PLB1: variants seen among roughly 807,000 people sequenced by gnomAD.
PLB1 encodes the protein phospholipase B1, membrane-associated.
In PLB1, 242 loss-of-function variants were observed where a neutral mutation model predicts 227.4. The observed-to-expected ratio is 1.06, with a 90% CI of 0.96 to 1.18. PLB1 has a LOEUF of 1.18. Ranked by LOEUF, PLB1 falls within the 50% of genes most tolerant of loss-of-function variation. The probability of loss-of-function intolerance (pLI) is 0.00; values close to 1 mark genes in which losing one functional copy is unlikely to be tolerated. For synonymous variants in PLB1, 757 were observed against 682.2 expected (o/e 1.11, Z -1.71); for missense variants, 1,858 against 1,816.3 (o/e 1.02, Z -0.42).
chr2:28,499,598 A>G (rs1666851260), intron 1 of PLB1, among the ~76,000 whole-genome samples: 1 of 151,892 alleles, frequency 6.6e-6, no homozygotes, highest in South Asian at 2.1e-4. Flanking sequence ...CAAAAGGAAA[A>G]TGTTAAGCTG....
Position 28,605,872 on chromosome 2 carries a change from CCTT to C in PLB1, c.2985_2987del (p.Phe996del). ...TTTCAGGATGGGCTCCCAGATACGT[CCTT>C]CTTTGCCCCAGACTGCATCCACCCA... On this transcript the variant is annotated inframe_deletion, in exon 42 of 58. Coordinates refer to ENST00000327757, the MANE Select transcript of PLB1 (RefSeq NM_153021.5). 6.2e-7 allele frequency: 1 copy of C among 1,613,708 alleles called. No homozygotes were observed. Among genetic ancestry groups the C allele is most frequent in the Non-Finnish European group, 8.5e-7 (1 of 1,179,660 alleles).
At chr2:28,551,578 T>G (rs957974632) in intron 16 of PLB1, among the ~76,000 whole-genome samples, 3 of 152,170 alleles carry the variant, frequency 2.0e-5, no homozygotes, top group Non-Finnish European at 4.4e-5. Context: ...CTAACCAGCA[T>G]AGCAATGAGC....
chr2:28,564,903 G>A (rs1676631981), intron 18 of PLB1, among the ~76,000 whole-genome samples: 2 of 152,158 alleles, frequency 1.3e-5, no homozygotes, highest in Non-Finnish European at 2.9e-5. Context: ...AAAGGATAAT[G>A]ATGTATTTCC....
In PLB1 at chr2:28,643,330, C is replaced by A. The variant is rs934035877; in HGVS notation, c.*269C>A. 2 of 314,000 alleles carry A rather than the reference C, an allele frequency of 6.4e-6. No homozygotes were observed. The highest frequency in any genetic ancestry group is 1.2e-5 in the Non-Finnish European group (2 of 172,028). The allele number at this position is 314,000 out of a possible 1,614,324, so 19.5% of individuals were successfully genotyped here. On this transcript the variant is annotated 3_prime_UTR_variant, in exon 58 of 58. Transcript: ENST00000327757. ...CTCTTGTGCAGCCCAGGTGTGGGAG[C>A]TGCCACTTTTTGTGGCCTGCCTCCA... is the stretch of plus-strand genomic sequence containing the variant.
intron 51 of PLB1, among the ~76,000 whole-genome samples, chr2:28,627,548 GGA>G (rs1337920186): frequency 1.3e-5 from 2 of 152,142 alleles, no homozygotes; most frequent in Non-Finnish European, 2.9e-5. Context: ...AGAAACTCTG[GGA>G]GACACGAGGT....
At chr2:28,617,055 C>T (rs1022749517) in intron 44 of PLB1, among the ~76,000 whole-genome samples, 7 of 152,154 alleles carry the variant, frequency 4.6e-5, no homozygotes, top group Admixed American at 2.6e-4. Flanking sequence ...CTTCCCATCC[C>T]ACTCCTTTCC....
chr2:28,541,817 TG>T lies in PLB1; in HGVS notation c.879+11del. ...CCACCCCATCTCTACACTCGGTAAGTGGGGGCTGCATGGCGTATCAAGAGTG... is the reference window on the plus strand; with the variant it reads ...CCACCCCATCTCTACACTCGGTAAGTGGGGCTGCATGGCGTATCAAGAGTG... On this transcript the variant is annotated splice_region_variant and intron_variant, in intron 13 of 57. Transcript: ENST00000327757. The T allele has an allele frequency of 1.2e-6, 2 of 1,604,328 alleles. No individual in the cohort carries two copies. The highest frequency in any genetic ancestry group is 1.7e-6 in the Non-Finnish European group (2 of 1,171,408).
chr2:28,576,784 A>T (rs1679031186), intron 21 of PLB1, among the ~76,000 whole-genome samples: 1 of 152,182 alleles, frequency 6.6e-6, no homozygotes, highest in Admixed American at 6.5e-5. Context: ...TGTTCCATCG[A>T]CAGAGCAGCT....
chr2:28,527,190 T>G (rs950952831), intron 6 of PLB1, among the ~76,000 whole-genome samples: 1 of 152,174 alleles, frequency 6.6e-6, no homozygotes, highest in African/African-American at 2.4e-5. Flanking sequence ...TTCGTCTCAA[T>G]TTTTCCTCCC....
rs141173438 is a variant in PLB1, at chr2:28,601,469, C to CAACACA, written c.2607+137_2607+138insAACACA. ...ACCTATGTCTGCACATATACACATA[C>CAACACA]CACACACACACACACACACACACAC... On this transcript the variant is annotated intron_variant, in intron 37 of 57. Coordinates refer to ENST00000327757, the MANE Select transcript of PLB1 (RefSeq NM_153021.5). The CAACACA allele has an allele frequency of 2.6e-4, 155 of 600,218 alleles. 2 individuals carry two copies. The highest frequency in any genetic ancestry group is 2.0e-3 in the African/African-American group (109 of 53,422). 37.2% of individuals were successfully genotyped at this position (600,218 alleles called of 1,614,324 possible).
chr2:28,541,862 G>A (rs769354866), intron 13 of PLB1, 51 bp downstream of exon 13: 62 of 1,438,898 alleles, frequency 4.3e-5, no homozygotes, highest in Non-Finnish European at 6.0e-5. Flanking sequence ...GCCGGGCATG[G>A]TGGCTCACTC....
At chr2:28,580,896 C>T (rs768003484) in intron 23 of PLB1, among the ~76,000 whole-genome samples, 3 of 152,076 alleles carry the variant, frequency 2.0e-5, no homozygotes, top group African/African-American at 7.2e-5. Flanking sequence ...CCTGTGAGCA[C>T]CTACCTGGAG....
At chr2:28,527,384 C>T (rs1670411295) in intron 6 of PLB1, among the ~76,000 whole-genome samples, 1 of 152,184 alleles carries the variant, frequency 6.6e-6, no homozygotes, top group South Asian at 2.1e-4. Context: ...CAGCTGCAAG[C>T]TCAGCTGGGT....
At chr2:28,581,695 C>T (rs62138979) in intron 23 of PLB1, among the ~76,000 whole-genome samples, 603 of 151,970 alleles carry the variant, frequency 4.0e-3, no homozygotes, top group Admixed American at 6.0e-3. Context: ...TGGCCAGGTG[C>T]GGTGGCTCAT....
chr2:28,630,778 G>A, intron 54 of PLB1, 114 bp downstream of exon 54: 2 of 782,918 alleles, frequency 2.6e-6, no homozygotes, highest in Middle Eastern at 2.4e-4. Context: ...CTCCCTAAAA[G>A]CAGATTGCAG....
rs534022171 is a variant in PLB1 at position 28,521,771 on chromosome 2, CGATCTCAGCAGCCCCA to C, written c.243+2010_243+2025del. ...CAAAGCTCCACAGCCTTGCTGCCCC[CGATCTCAGCAGCCCCA>C]GCTGGATAGAACACTTCCTTATCAG... On this transcript the variant is annotated intron_variant, in intron 4 of 57. Transcript: ENST00000327757. Among the ~76,000 whole-genome samples, 560 of 152,184 alleles carry C rather than the reference CGATCTCAGCAGCCCCA, an allele frequency of 3.7e-3. 7 individuals are homozygous for C. The highest frequency in any genetic ancestry group is 0.013 in the African/African-American group (542 of 41,490).
In PLB1 at chr2:28,529,299, A is replaced by G; in HGVS notation, c.326-18A>G. 6.3e-7 allele frequency: 1 copy of G among 1,582,176 alleles called. No homozygotes were observed. Among genetic ancestry groups the G allele is most frequent in the Non-Finnish European group, 8.7e-7 (1 of 1,151,170 alleles). ...TCAGCTGGTGAAGGCCAGGGCCTCA[A>G]ACCAGTTCTCTCTTTAGTCCTTTCA... On this transcript the variant is annotated intron_variant, in intron 6 of 57. Coordinates refer to ENST00000327757, the MANE Select transcript of PLB1 (RefSeq NM_153021.5).
Position 28,508,643 on chromosome 2 carries a change from A to G in PLB1, c.56-8165A>G, listed in dbSNP as rs563676520. Among the ~76,000 whole-genome samples the G allele has an allele frequency of 3.3e-4, 50 of 152,254 alleles. 1 individual carries two copies. In the South Asian group the frequency reaches 8.3e-3, roughly 25 times the overall value. ...ACCCACAGGACCTGCTTATCATTCA[A>G]AACCACACAGGAGATGACACTGGCT... On this transcript the variant is annotated intron_variant, in intron 1 of 57. Coordinates refer to ENST00000327757, the MANE Select transcript of PLB1 (RefSeq NM_153021.5).
intron 1 of PLB1, among the ~76,000 whole-genome samples, chr2:28,513,935 C>A (rs1668554901): frequency 6.6e-6 from 1 of 152,278 alleles, no homozygotes; most frequent in East Asian, 1.9e-4. Context: ...CCATCTATTT[C>A]CCTGGATTGT....
Sources: allele counts gnomAD v4.1 joint callset (sites outside exome capture counted in the v4.1 genomes callset), GRCh38; gene constraint gnomAD v4.1.1; transcripts MANE v1.5; gene names NCBI Gene and HGNC (gene_info 2026-07-23, HGNC 2026-07-21).